SPIDR: variants seen among roughly 807,000 people sequenced by gnomAD.
SPIDR encodes the protein scaffold protein involved in DNA repair, also known as DNA repair-scaffolding protein.
Under a neutral mutation model 104.6 loss-of-function variants are expected in SPIDR, and 93 were observed. The observed-to-expected ratio is 0.89, with a 90% CI of 0.75 to 1.06. The LOEUF (loss-of-function observed/expected upper bound fraction) is 1.06. Among genes scored for constraint, SPIDR ranks in the 50% least tolerant of loss-of-function variants. The probability of loss-of-function intolerance (pLI) is 0.00; values close to 1 mark genes in which losing one functional copy is unlikely to be tolerated. For missense variants in SPIDR, 1,154 were observed against 1,111.2 expected (o/e 1.04, Z -0.55); for synonymous variants, 431 against 416.9 (o/e 1.03, Z -0.41).
intron 8 of SPIDR, among the ~76,000 whole-genome samples, chr8:47,576,165 T>C (rs979782888): frequency 2.6e-5 from 4 of 151,242 alleles, no homozygotes; most frequent in African/African-American, 9.8e-5. Context: ...ATTTATTTAT[T>C]TATTTTGAGA....
chr8:47,434,414 A>C (rs2067906132), intron 7 of SPIDR, among the ~76,000 whole-genome samples: 1 of 152,178 alleles, frequency 6.6e-6, no homozygotes, highest in Non-Finnish European at 1.5e-5. Flanking sequence ...ATTTCAGGGA[A>C]TACTAGAACA....
chr8:47,368,818 C>T (rs1402118179), intron 5 of SPIDR, among the ~76,000 whole-genome samples: 3 of 152,004 alleles, frequency 2.0e-5, no homozygotes, highest in African/African-American at 4.8e-5. Context: ...ATTCTGGGCA[C>T]GATTTTTAAA....
At chr8:47,636,069 A>G (rs1388233311) in intron 10 of SPIDR, among the ~76,000 whole-genome samples, 1 of 152,244 alleles carries the variant, frequency 6.6e-6, no homozygotes, top group Non-Finnish European at 1.5e-5. Flanking sequence ...CCCTGCATCA[A>G]GCAGTTCTAT....
At chr8:47,512,195 G>C in intron 8 of SPIDR, 1 of 349,960 alleles carries the variant, frequency 2.9e-6, no homozygotes. Flanking sequence ...CATTTCTAAA[G>C]CATCCTTGAG....
rs1001777608 is a variant in SPIDR at position 47,268,765 on chromosome 8, A to T, written c.33+7774A>T. On this transcript the variant is annotated intron_variant, in intron 1 of 19. Coordinates refer to ENST00000297423, the MANE Select transcript of SPIDR (RefSeq NM_001080394.4). ...GAGCCAGCCGCACCCAGCTCCATTG[A>T]TTTTTTTAAATATTGAGATTGTATC... 6.8e-4 allele frequency among the ~76,000 whole-genome samples: 104 copies of T among 152,092 alleles called. 1 individual carries two copies. The highest frequency in any genetic ancestry group is 1.2e-3 in the Non-Finnish European group (80 of 67,994).
At chr8:47,265,908 C>T (rs1248611502) in intron 1 of SPIDR, among the ~76,000 whole-genome samples, 1 of 152,078 alleles carries the variant, frequency 6.6e-6, no homozygotes, top group Non-Finnish European at 1.5e-5. Flanking sequence ...AAGGAGCTCT[C>T]CAAGGTCTCT....
intron 1 of SPIDR, among the ~76,000 whole-genome samples, chr8:47,265,372 G>T (rs1186427650): frequency 6.6e-6 from 1 of 151,216 alleles, no homozygotes; most frequent in Non-Finnish European, 1.5e-5. Context: ...AATTTATTTT[G>T]TAGAGATAGA....
At chr8:47,494,020 C>T (rs1462779880) in intron 8 of SPIDR, among the ~76,000 whole-genome samples, 1 of 152,096 alleles carries the variant, frequency 6.6e-6, no homozygotes, top group East Asian at 1.9e-4. Flanking sequence ...TTCTCCTTCC[C>T]CTCACCTCCC....
chr8:47,550,800 A>G (rs1310948485), intron 8 of SPIDR, among the ~76,000 whole-genome samples: 2 of 152,172 alleles, frequency 1.3e-5, no homozygotes, highest in Admixed American at 6.5e-5. Context: ...AACTTCCAAC[A>G]CTATATTGAA....
chr8:47,368,703 A>G (rs2057582142), intron 5 of SPIDR, among the ~76,000 whole-genome samples: 1 of 152,204 alleles, frequency 6.6e-6, no homozygotes, highest in Non-Finnish European at 1.5e-5. Context: ...TAATATCACT[A>G]ATAACTTTAT....
intron 1 of SPIDR, among the ~76,000 whole-genome samples, chr8:47,271,331 CTTA>C (rs2035278891): frequency 6.6e-6 from 1 of 152,104 alleles, no homozygotes; most frequent in African/African-American, 2.4e-5. Flanking sequence ...TTCTGAGACT[CTTA>C]TTATGCATAT....
chr8:47,702,095 TCTTACACACACACACACACACA>T (rs2080341190), intron 14 of SPIDR, 80 bp downstream of exon 14: 1 of 71,478 alleles, frequency 1.4e-5, no homozygotes, highest in African/African-American at 6.2e-5. Context: ...TCTCTCTCTC[TCTTACACACACACACACACACA>T]CACACACACA....
chr8:47,370,220 T>A (rs527268466), intron 5 of SPIDR, among the ~76,000 whole-genome samples: 11 of 152,132 alleles, frequency 7.2e-5, no homozygotes, highest in Non-Finnish European at 1.6e-4. Flanking sequence ...GAAAGAAATC[T>A]GTCTCCTTAG....
At chr8:47,508,547 TC>T (rs2081837505) in intron 8 of SPIDR, among the ~76,000 whole-genome samples, 1 of 152,218 alleles carries the variant, frequency 6.6e-6, no homozygotes, top group South Asian at 2.1e-4. Context: ...TTTTTGCAGT[TC>T]CTCTAAAAGA....
intron 8 of SPIDR, among the ~76,000 whole-genome samples, chr8:47,458,122 T>G (rs1414628681): frequency 6.6e-6 from 1 of 152,038 alleles, no homozygotes; most frequent in Non-Finnish European, 1.5e-5. Flanking sequence ...CTGTGAAGAA[T>G]GATGGTGGTA....
intron 1 of SPIDR, among the ~76,000 whole-genome samples, chr8:47,274,324 C>G (rs1019026349): frequency 2.6e-5 from 4 of 152,024 alleles, no homozygotes; most frequent in Admixed American, 6.6e-5. Context: ...TAAATAATTG[C>G]TACATATTTT....
chr8:47,499,437 A>G (rs1447911188), intron 8 of SPIDR, among the ~76,000 whole-genome samples: 2 of 152,144 alleles, frequency 1.3e-5, no homozygotes, highest in African/African-American at 4.8e-5. Flanking sequence ...AATCCCTGGA[A>G]TGGCTCTAGA....
At chr8:47,307,107 G>A (rs2043213021) in intron 5 of SPIDR, among the ~76,000 whole-genome samples, 1 of 151,828 alleles carries the variant, frequency 6.6e-6, no homozygotes, top group Admixed American at 6.6e-5. Flanking sequence ...CTGTCATTTT[G>A]TTGTTTGTTG....
At chr8:47,345,862 G>A (rs939416903) in intron 5 of SPIDR, among the ~76,000 whole-genome samples, 7 of 152,154 alleles carry the variant, frequency 4.6e-5, no homozygotes, top group Admixed American at 6.5e-5. Context: ...GGAGATTTGG[G>A]GTTGAGACGA....
Sources: allele counts gnomAD v4.1 joint callset (sites outside exome capture counted in the v4.1 genomes callset), GRCh38; gene constraint gnomAD v4.1.1; transcripts MANE v1.5; gene names NCBI Gene and HGNC (gene_info 2026-07-23, HGNC 2026-07-21).